Variants in WAPL observed in about 807,000 individuals in gnomAD.
The protein encoded by WAPL is wings apart-like protein homolog.
WAPL carries 5 observed loss-of-function variants against 121.0 expected under a neutral mutation model. That is an observed-to-expected ratio of 0.04 (90% CI 0.02 to 0.09). The LOEUF (loss-of-function observed/expected upper bound fraction) is 0.09. WAPL is among the 10% of genes least tolerant of loss of function. The pLI, the probability that WAPL is intolerant of heterozygous loss-of-function variation, is 1.00. For synonymous variants in WAPL, 480 were observed against 481.5 expected, an observed-to-expected ratio of 1.00 and a Z score of 0.04; for missense variants, 999 against 1,410.8, an observed-to-expected ratio of 0.71 and a Z score of 4.68.
intron 2 of WAPL, among the ~76,000 whole-genome samples, chr10:86,516,667 T>TC (rs1842561276): frequency 6.6e-6 from 1 of 152,144 alleles, no homozygotes. Context: ...TGCACCTTTT[T>TC]CACTTATTAT....
At chr10:86,483,069 A>G (rs977705437) in intron 4 of WAPL, among the ~76,000 whole-genome samples, 2 of 152,224 alleles carry the variant, frequency 1.3e-5, no homozygotes, top group Non-Finnish European at 2.9e-5. Flanking sequence ...GCATTAGGCG[A>G]GTGTTTGTAG....
rs1441896114 is a variant in WAPL, at chr10:86,460,472, C to T, written c.2507G>A (p.Ser836Asn). 2 of 1,613,536 alleles carry T rather than the reference C, an allele frequency of 1.2e-6. No individual in the cohort carries two copies. Among genetic ancestry groups the T allele is most frequent in the Non-Finnish European group, 1.7e-6 (2 of 1,179,904 alleles). ...CAGTTTCTCTTCATCCTCATCTCTACTTAAATGATCCACACATTCTTTTAC... is the reference window on the plus strand; with the variant it reads ...CAGTTTCTCTTCATCCTCATCTCTATTTAAATGATCCACACATTCTTTTAC... ...DKVKECVDHL[S>N]RDEDEEKLVA... Residue 836 changes from serine to asparagine, a missense_variant, in exon 11 of 19, where the codon AGT becomes AAT. By Grantham distance (46) the Ser-to-Asn change is conservative (BLOSUM62 1). Transcript: ENST00000298767.
chr10:86,497,584 A>G (rs1009626769), intron 3 of WAPL, among the ~76,000 whole-genome samples: 1 of 152,190 alleles, frequency 6.6e-6, no homozygotes, highest in Non-Finnish European at 1.5e-5. Context: ...AAATGGAAAA[A>G]TCAAATCTTT....
intron 4 of WAPL, among the ~76,000 whole-genome samples, chr10:86,490,090 T>C (rs1311515788): frequency 6.6e-6 from 1 of 151,912 alleles, no homozygotes; most frequent in Non-Finnish European, 1.5e-5. Context: ...GGTGCACGTC[T>C]GTAATCCCAG....
chr10:86,446,587 GTAAAAGCTTTT>G, intron 15 of WAPL, 138 bp from the exon 16 acceptor site: 1 of 1,009,422 alleles, frequency 9.9e-7, no homozygotes, highest in Non-Finnish European at 1.4e-6. Context: ...GTGAGTATAA[GTAAAAGCTTTT>G]GCTCTACACC....
intron 8 of WAPL, among the ~76,000 whole-genome samples, chr10:86,469,045 A>T (rs1360867854): frequency 6.6e-6 from 1 of 152,046 alleles, no homozygotes; most frequent in African/African-American, 2.4e-5. Context: ...CAGAGGCTGC[A>T]GTGAGCCAAG....
intron 2 of WAPL, among the ~76,000 whole-genome samples, chr10:86,512,863 C>G (rs1364877453): frequency 6.6e-6 from 1 of 151,810 alleles, no homozygotes; most frequent in Non-Finnish European, 1.5e-5. Flanking sequence ...TTTTTTTTAC[C>G]ATTCTATTTT....
chr10:86,472,826 T>C lies in WAPL; in HGVS notation c.1741-62A>G, dbSNP rs1841564382. The C allele has an allele frequency of 2.7e-6, 4 of 1,455,520 alleles. No homozygotes were observed. The highest frequency in any genetic ancestry group is 2.5e-5 in the East Asian group (1 of 39,740). The allele number at this position is 1,455,520 out of a possible 1,614,324, so 90.2% of individuals were successfully genotyped here. A position where few individuals can be genotyped will look rare whatever the true frequency, so the allele number is the denominator to read the frequency against. On this transcript the variant is annotated intron_variant, in intron 5 of 18. Coordinates refer to ENST00000298767, the MANE Select transcript of WAPL (RefSeq NM_015045.5). The surrounding 1 kb of genome is among the most constrained non-coding windows in gnomAD (Gnocchi z 4.2). ...AATATATAAAAATAGGAACGTCTCATCTATCTGGCAAATTCAGCTTCAAAA... is the reference window on the plus strand; with the variant it reads ...AATATATAAAAATAGGAACGTCTCACCTATCTGGCAAATTCAGCTTCAAAA...
At chr10:86,456,374 ATG>A (rs1403855899) in intron 12 of WAPL, among the ~76,000 whole-genome samples, 1 of 150,920 alleles carries the variant, frequency 6.6e-6, no homozygotes, top group Admixed American at 6.6e-5. Context: ...AAAGGACAAA[ATG>A]TGTGTGTCAT....
At chr10:86,449,263 T>C (rs1057399753) in intron 15 of WAPL, among the ~76,000 whole-genome samples, 35 of 152,200 alleles carry the variant, frequency 2.3e-4, no homozygotes, top group African/African-American at 7.0e-4. Flanking sequence ...AATCTGAACA[T>C]GGATTTTTCC....
intron 15 of WAPL, among the ~76,000 whole-genome samples, chr10:86,447,996 TGA>T (rs1849667746): frequency 2.0e-5 from 3 of 151,796 alleles, no homozygotes; most frequent in Non-Finnish European, 2.9e-5. Flanking sequence ...TGCAGTAAGC[TGA>T]GATGGTGCCG....
In WAPL at chr10:86,487,509, C is replaced by T. The variant is rs763327879; in HGVS notation, c.1644+9692G>A. ...AGTTTTCTTCACCCTCATCTTCTTT[C>T]TGAGTCAGCCCTCAATCCTGATATT... On this transcript the variant is annotated intron_variant, in intron 4 of 18. Transcript: ENST00000298767. Among the ~76,000 whole-genome samples, 3 of 152,284 alleles carry T rather than the reference C, an allele frequency of 2.0e-5. No homozygotes were observed. In the East Asian group the frequency reaches 5.8e-4, roughly 29 times the overall value.
At chr10:86,444,415 A>C (rs1849550117) in intron 16 of WAPL, among the ~76,000 whole-genome samples, 1 of 152,256 alleles carries the variant, frequency 6.6e-6, no homozygotes, top group East Asian at 1.9e-4. Context: ...AAAAGCTAAA[A>C]AGCAGAAACC....
intron 1 of WAPL, among the ~76,000 whole-genome samples, chr10:86,521,137 C>T (rs983409197): frequency 7.3e-4 from 111 of 152,210 alleles, no homozygotes; most frequent in Non-Finnish European, 3.4e-4. Context: ...AATCAACACA[C>T]TTGACTGGGT....
At chr10:86,511,758 C>A (rs1348939568) in intron 2 of WAPL, among the ~76,000 whole-genome samples, 1 of 152,016 alleles carries the variant, frequency 6.6e-6, no homozygotes, top group Non-Finnish European at 1.5e-5. Flanking sequence ...TACTGAGACA[C>A]GGTCTCTACA....
chr10:86,497,043 A>AT (rs1185104052), intron 4 of WAPL, among the ~76,000 whole-genome samples, 158 bp downstream of exon 4: 2 of 152,194 alleles, frequency 1.3e-5, no homozygotes. Context: ...ATATTTTACA[A>AT]TTTTTTAAAA....
intron 2 of WAPL, among the ~76,000 whole-genome samples, chr10:86,503,802 G>A (rs889061347): frequency 6.6e-6 from 1 of 151,902 alleles, no homozygotes; most frequent in Non-Finnish European, 1.5e-5. Flanking sequence ...TTAGTTGCTA[G>A]GGAAACACAA....
At chr10:86,514,554 T>C (rs1842520790) in intron 2 of WAPL, among the ~76,000 whole-genome samples, 1 of 152,204 alleles carries the variant, frequency 6.6e-6, no homozygotes, top group Admixed American at 6.5e-5. Flanking sequence ...TTAGTATGTA[T>C]TTTCCCCTCA....
chr10:86,472,368 C>T lies in WAPL; in HGVS notation c.1894-24G>A, dbSNP rs1237584799. 4 of 1,585,550 alleles carry T rather than the reference C, an allele frequency of 2.5e-6. No homozygotes were observed. Among genetic ancestry groups the T allele is most frequent in the South Asian group, 1.2e-5 (1 of 84,882 alleles). ...AACTGCCAAGAAAAAAAAAGTTCAC[C>T]CCTTTTTAACTAGGAACTAGCATAT... On this transcript the variant is annotated intron_variant, in intron 6 of 18. Transcript: ENST00000298767. This position sits in a 1 kb window ranked among gnomAD's most constrained non-coding sequence, Gnocchi z 4.2.
Sources: allele counts gnomAD v4.1 joint callset (sites outside exome capture counted in the v4.1 genomes callset), GRCh38; gene constraint gnomAD v4.1.1; non-coding constraint Gnocchi (gnomAD v3.1); transcripts MANE v1.5; gene names NCBI Gene and HGNC (gene_info 2026-07-23, HGNC 2026-07-21).